HMCN1: variants seen among roughly 807,000 people sequenced by gnomAD.
The protein encoded by HMCN1 is hemicentin-1.
Under a neutral mutation model 625.9 loss-of-function variants are expected in HMCN1, and 321 were observed. The ratio of observed to expected loss-of-function variants is 0.51; its 90% CI spans 0.47 to 0.56. HMCN1 has a LOEUF of 0.56. Ranked by LOEUF, HMCN1 falls within the 20% of genes least tolerant of loss-of-function variation. The pLI is 0.00. For missense variants in HMCN1, 6,588 were observed against 6,887.3 expected (o/e 0.96, Z 1.54); for synonymous variants, 2,425 against 2,417.6 (o/e 1.00, Z -0.09).
intron 64 of HMCN1, among the ~76,000 whole-genome samples, chr1:186,092,355 TA>T (rs1299575161): frequency 1.3e-5 from 2 of 151,824 alleles, no homozygotes; most frequent in African/African-American, 4.8e-5. Flanking sequence ...AAAGAAAAAA[TA>T]CAGCTGTATC....
chr1:186,017,027 G>A lies in HMCN1; in HGVS notation c.5256G>A (p.Leu1752=), dbSNP rs1361028924. The A allele has an allele frequency of 1.7e-5, 28 of 1,609,914 alleles. No individual in the cohort carries two copies. The highest frequency in any genetic ancestry group is 2.0e-5 in the Non-Finnish European group (24 of 1,176,510). Reference sequence around the variant, plus strand: ...TCATTGTGATGGTTAATAACTTACTGGAGCTAGATTGTCATGTGACAGGCT... The same window carrying A: ...TCATTGTGATGGTTAATAACTTACTAGAGCTAGATTGTCATGTGACAGGCT... ...SYFIVMVNNL[L]ELDCHVTGSP... is the part of the protein sequence containing the mutation. Residue 1752 remains leucine (L), a synonymous_variant, in exon 33 of 107, where the codon CTG becomes CTA. Coordinates refer to ENST00000271588, the MANE Select transcript of HMCN1 (RefSeq NM_031935.3).
intron 100 of HMCN1, among the ~76,000 whole-genome samples, chr1:186,169,749 A>G (rs1652102874): frequency 6.6e-6 from 1 of 152,208 alleles, no homozygotes; most frequent in Non-Finnish European, 1.5e-5. Flanking sequence ...CCTAGGCAAT[A>G]CCATTCAGGA....
intron 93 of HMCN1, among the ~76,000 whole-genome samples, chr1:186,147,354 A>G (rs74784705): frequency 0.013 from 1,899 of 149,302 alleles, 29 homozygotes; most frequent in African/African-American, 0.045. Context: ...TTTCTCCCCA[A>G]TTCAGACATA....
chr1:186,119,526 T>G (rs1661295938), intron 78 of HMCN1, among the ~76,000 whole-genome samples: 1 of 152,180 alleles, frequency 6.6e-6, no homozygotes, highest in Non-Finnish European at 1.5e-5. Flanking sequence ...TATGATCTGT[T>G]CCTGACTCTA....
At chr1:186,064,859 T>C (rs1266559412) in intron 48 of HMCN1, among the ~76,000 whole-genome samples, 2 of 147,082 alleles carry the variant, frequency 1.4e-5, no homozygotes, top group African/African-American at 5.0e-5. Context: ...TCACGAATAA[T>C]AGTTTTAATA....
At chr1:185,924,984 A>G in intron 8 of HMCN1, 63 bp from the exon 9 acceptor site, 1 of 1,370,642 alleles carries the variant, frequency 7.3e-7, no homozygotes, top group South Asian at 1.2e-5. Context: ...AAGAGGCAGT[A>G]CTTAACATCA....
chr1:185,886,346 T>C (rs1664649341), intron 4 of HMCN1, among the ~76,000 whole-genome samples: 1 of 152,108 alleles, frequency 6.6e-6, no homozygotes, highest in Admixed American at 6.6e-5. Flanking sequence ...ACATCCAACA[T>C]ACATAGTTAA....
chr1:186,177,575 G>T (rs1484199418), intron 103 of HMCN1, among the ~76,000 whole-genome samples: 1 of 152,184 alleles, frequency 6.6e-6, no homozygotes, highest in East Asian at 1.9e-4. Flanking sequence ...CACTCTGGCT[G>T]CTATGTGGAG....
chr1:185,820,899 T>C (rs866907208), intron 1 of HMCN1, among the ~76,000 whole-genome samples: 49 of 152,274 alleles, frequency 3.2e-4, no homozygotes, highest in African/African-American at 9.9e-4. Context: ...TATGTAGATA[T>C]TAGAACACTC....
At chr1:186,106,035 AAG>A (rs890046420) in intron 69 of HMCN1, among the ~76,000 whole-genome samples, 6 of 152,226 alleles carry the variant, frequency 3.9e-5, no homozygotes, top group Non-Finnish European at 8.8e-5. Context: ...ATGTTTTTGA[AAG>A]GAGTTTTTGC....
At chr1:185,963,680 A>C in intron 12 of HMCN1, 88 bp from the exon 13 acceptor site, 1 of 1,030,456 alleles carries the variant, frequency 9.7e-7, no homozygotes, top group Non-Finnish European at 1.5e-6. Context: ...ACAACGTTTG[A>C]AAATATTTTA....
chr1:185,856,027 T>C (rs1360377819), intron 2 of HMCN1, among the ~76,000 whole-genome samples: 2 of 152,254 alleles, frequency 1.3e-5, no homozygotes, highest in Admixed American at 6.5e-5. Context: ...AGCCAGCACA[T>C]GTCACTGACG....
Position 185,756,353 on chromosome 1 carries a change from G to A in HMCN1, c.268+21306G>A, listed in dbSNP as rs183912456. Among the ~76,000 whole-genome samples, 462 of 151,932 alleles carry A rather than the reference G, an allele frequency of 3.0e-3. 4 individuals carry two copies. Among genetic ancestry groups the A allele is most frequent in the South Asian group, 4.8e-3 (23 of 4,814 alleles). On this transcript the variant is annotated intron_variant, in intron 1 of 106. Transcript: ENST00000271588. ...AAGTTCACCTTTCTCATTGTCCCAG[G>A]GAAAGACAGGAGATCAAAAAAGGGT...
At chr1:185,903,951 G>T (rs1665953553) in intron 4 of HMCN1, among the ~76,000 whole-genome samples, 1 of 151,842 alleles carries the variant, frequency 6.6e-6, no homozygotes, top group Non-Finnish European at 1.5e-5. Flanking sequence ...GACAAGGGGA[G>T]ACTTGCTCCC....
Position 185,791,490 on chromosome 1 carries a change from C to T in HMCN1, c.269-54536C>T, listed in dbSNP as rs546005881. Among the ~76,000 whole-genome samples, 29 of 151,922 alleles carry T rather than the reference C, an allele frequency of 1.9e-4. 1 individual carries two copies. The highest frequency in any genetic ancestry group is 1.6e-3 in the Admixed American group (24 of 15,234). On this transcript the variant is annotated intron_variant, in intron 1 of 106. Transcript: ENST00000271588. The stretch of plus-strand genomic sequence containing the variant: ...ATCCCAGCTCTTTGGGAGGACGAGG[C>T]GGGTGGATCACTTTAGGCCAGGAGT...
rs1468496659 is a variant in HMCN1, at chr1:186,032,730, TGGCCATAAGTAAAAAGAAAAAAAAAAAGA to T, written c.5750-5203_5750-5175del. Among the ~76,000 whole-genome samples the T allele has an allele frequency of 2.2e-5, 3 of 135,186 alleles. No individual in the cohort carries two copies. In the East Asian group the frequency reaches 6.6e-4, roughly 30 times the overall value. 88.7% of individuals were successfully genotyped at this position (135,186 alleles called of 152,430 possible). On this transcript the variant is annotated intron_variant, in intron 36 of 106. Transcript: ENST00000271588. ...GCAGCATGAGAACGAACTAACACAA[TGGCCATAAGTAAAAAGAAAAAAAAAAAGA>T]AAAAAAAAGATGTGGTGTGGATGTG...
At chr1:186,169,229 A>T (rs539356536) in intron 100 of HMCN1, among the ~76,000 whole-genome samples, 3 of 152,206 alleles carry the variant, frequency 2.0e-5, no homozygotes, top group Non-Finnish European at 4.4e-5. Flanking sequence ...ATGTTCATGG[A>T]TAAGAAGAAT....
At chr1:185,901,020 A>G (rs539377459) in intron 4 of HMCN1, among the ~76,000 whole-genome samples, 1 of 152,070 alleles carries the variant, frequency 6.6e-6, no homozygotes, top group Non-Finnish European at 1.5e-5. Context: ...GGGAGCCTCA[A>G]CCAGCACTTC....
At chr1:185,887,175 C>A (rs940856795) in intron 4 of HMCN1, among the ~76,000 whole-genome samples, 6 of 152,086 alleles carry the variant, frequency 3.9e-5, no homozygotes, top group African/African-American at 1.4e-4. Context: ...GTCTGACTTC[C>A]TAGTAAGTAA....
Sources: gnomAD v4.1 joint callset for allele counts (sites outside exome capture counted in the v4.1 genomes callset) on GRCh38, gnomAD v4.1.1 for gene constraint, MANE v1.5 for transcripts, NCBI Gene and HGNC (gene_info 2026-07-23, HGNC 2026-07-21) for gene names.